ANGPT1: variants seen among roughly 807,000 people sequenced by gnomAD.
ANGPT1 encodes angiopoietin-1.
In ANGPT1, 17 loss-of-function variants were observed where a neutral mutation model predicts 62.2. That is an observed-to-expected ratio of 0.27 (90% CI 0.19 to 0.41). ANGPT1 has a LOEUF of 0.41. ANGPT1 is among the 10% of genes least tolerant of loss of function. The pLI is 1.00. For missense variants in ANGPT1, 478 were observed against 594.9 expected, an observed-to-expected ratio of 0.80 and a Z score of 2.04; for synonymous variants, 199 against 198.9, an observed-to-expected ratio of 1.00 and a Z score of 0.00.
rs1380656751 is a variant in ANGPT1, at chr8:107,264,269, C to A, written c.1288G>T (p.Ala430Ser). The change falls in exon 8 of 9, where the codon GCT becomes TCT. Residue 430 changes from alanine to serine, a missense_variant. Ala to Ser is a moderately conservative substitution (Grantham distance 99). Around this residue, in one of 4 missense-constraint regions of ANGPT1, gnomAD observed 19 missense variants for 72.9 expected, o/e 0.26. Coordinates refer to ENST00000517746, the MANE Select transcript of ANGPT1 (RefSeq NM_001146.5). ...LHGADFSTKD[A>S]DNDNCMCKCA... The stretch of plus-strand genomic sequence containing the variant: ...TTGCACATACAGTTGTCATTATCAG[C>A]ATCTTTAGTGCTGAAATCAGCACCG... 1 of 1,613,988 alleles carries A rather than the reference C, an allele frequency of 6.2e-7. No homozygotes were observed. The highest frequency in any genetic ancestry group is 1.1e-5 in the South Asian group (1 of 91,056).
chr8:107,412,467 A>G (rs1357542772), intron 1 of ANGPT1, among the ~76,000 whole-genome samples: 1 of 150,776 alleles, frequency 6.6e-6, no homozygotes, highest in Non-Finnish European at 1.5e-5. Context: ...ATTCCTCAGG[A>G]AAAAAAAACA....
chr8:107,416,799 CTTTT>C (rs35404455), intron 1 of ANGPT1, among the ~76,000 whole-genome samples: 5 of 130,110 alleles, frequency 3.8e-5, no homozygotes, highest in Admixed American at 7.7e-5. Context: ...GTCAGATAAT[CTTTT>C]TTTTTTTTTT....
chr8:107,370,407 A>T lies in ANGPT1; in HGVS notation c.298-23310T>A, dbSNP rs146163933. ...AAGAAAGAAAGAAAGAAAGAAAGAA[A>T]GAGTCAGGGTCAGTGGCTCAGGCCT... is the stretch of plus-strand genomic sequence containing the variant. On this transcript the variant is annotated intron_variant, in intron 1 of 8. Transcript: ENST00000517746. Among the ~76,000 whole-genome samples, 21 of 71,938 alleles carry T rather than the reference A, an allele frequency of 2.9e-4. 5 individuals carry two copies. Among genetic ancestry groups the T allele is most frequent in the Admixed American group, 6.9e-4 (5 of 7,200 alleles). 47.2% of individuals were successfully genotyped at this position (71,938 alleles called of 152,430 possible). A position where few individuals can be genotyped will look rare whatever the true frequency, so the allele number is the denominator to read the frequency against.
intron 3 of ANGPT1, among the ~76,000 whole-genome samples, chr8:107,332,694 C>T (rs747746111): frequency 3.3e-5 from 5 of 152,204 alleles, no homozygotes; most frequent in Non-Finnish European, 5.9e-5. Flanking sequence ...ACTGACTTGG[C>T]GGCTGAAGCC....
intron 1 of ANGPT1, among the ~76,000 whole-genome samples, chr8:107,408,220 T>A (rs1817189155): frequency 6.6e-6 from 1 of 152,208 alleles, no homozygotes; most frequent in African/African-American, 2.4e-5. Context: ...TCCATTTAAT[T>A]CACTAACTTC....
chr8:107,375,019 G>T (rs1388591562), intron 1 of ANGPT1, among the ~76,000 whole-genome samples: 1 of 152,046 alleles, frequency 6.6e-6, no homozygotes, highest in East Asian at 1.9e-4. Flanking sequence ...AATCAGCTGG[G>T]CGTGGTGGCA....
At chr8:107,338,494 G>A (rs1815623022) in intron 2 of ANGPT1, among the ~76,000 whole-genome samples, 1 of 152,184 alleles carries the variant, frequency 6.6e-6, no homozygotes, top group Non-Finnish European at 1.5e-5. Flanking sequence ...TGGTGAGATG[G>A]AGCATTTATA....
chr8:107,367,234 T>TA (rs2130228827), intron 1 of ANGPT1, among the ~76,000 whole-genome samples: 1 of 152,318 alleles, frequency 6.6e-6, no homozygotes, highest in Admixed American at 6.5e-5. Flanking sequence ...TCTCAGTGCA[T>TA]AAAAAAGTTG....
At chr8:107,342,095 AC>A (rs1372134523) in intron 2 of ANGPT1, among the ~76,000 whole-genome samples, 13 of 152,160 alleles carry the variant, frequency 8.5e-5, no homozygotes, top group African/African-American at 2.7e-4. Context: ...ACCCAAAAAA[AC>A]ATTCACTCAG....
At chr8:107,271,924 AT>A in intron 7 of ANGPT1, among the ~76,000 whole-genome samples, 1 of 139,662 alleles carries the variant, frequency 7.2e-6, no homozygotes, top group Non-Finnish European at 1.6e-5. Context: ...AAAAAAAAAA[AT>A]TCCTGGAAAA....
chr8:107,496,390 C>T (rs578040565), intron 1 of ANGPT1, among the ~76,000 whole-genome samples: 37 of 152,316 alleles, frequency 2.4e-4, no homozygotes, highest in South Asian at 2.1e-3. Context: ...ACTGGATAAA[C>T]TATTCGATTT....
intron 1 of ANGPT1, among the ~76,000 whole-genome samples, chr8:107,349,432 G>T (rs1201578657): frequency 6.6e-6 from 1 of 152,028 alleles, no homozygotes; most frequent in Non-Finnish European, 1.5e-5. Flanking sequence ...GGAGGAAAAC[G>T]TTAAGAGAAT....
intron 7 of ANGPT1, among the ~76,000 whole-genome samples, chr8:107,269,631 G>C (rs952664753): frequency 5.3e-5 from 8 of 151,890 alleles, no homozygotes; most frequent in Non-Finnish European, 7.4e-5. Context: ...TGGCCTGTAT[G>C]AAAGACGATA....
intron 1 of ANGPT1, among the ~76,000 whole-genome samples, chr8:107,386,836 C>T (rs1266357887): frequency 6.6e-6 from 1 of 152,004 alleles, no homozygotes; most frequent in Non-Finnish European, 1.5e-5. Flanking sequence ...TGCAGAGTGC[C>T]TTTCTCTGAC....
intron 2 of ANGPT1, among the ~76,000 whole-genome samples, chr8:107,336,823 T>G (rs969866249): frequency 7.0e-6 from 1 of 143,506 alleles, no homozygotes; most frequent in African/African-American, 2.7e-5. Flanking sequence ...CCCTAGGATA[T>G]TCTCCTGTGC....
At chr8:107,312,881 TAC>T (rs1446661548) in intron 4 of ANGPT1, among the ~76,000 whole-genome samples, 1 of 152,110 alleles carries the variant, frequency 6.6e-6, no homozygotes, top group Admixed American at 6.5e-5. Context: ...CTCGATGGTA[TAC>T]ACCTGCTCCC....
intron 1 of ANGPT1, among the ~76,000 whole-genome samples, chr8:107,426,784 A>C (rs1480876105): frequency 6.6e-6 from 1 of 152,224 alleles, no homozygotes; most frequent in African/African-American, 2.4e-5. Flanking sequence ...ATGGAGCACA[A>C]CAATAACAAA....
chr8:107,489,142 C>A (rs1812891812), intron 1 of ANGPT1, among the ~76,000 whole-genome samples: 1 of 152,122 alleles, frequency 6.6e-6, no homozygotes, highest in African/African-American at 2.4e-5. Context: ...TATCATAAGC[C>A]ATTTCGTTGA....
chr8:107,399,474 C>T (rs918669766), intron 1 of ANGPT1, among the ~76,000 whole-genome samples: 1 of 152,168 alleles, frequency 6.6e-6, no homozygotes, highest in African/African-American at 2.4e-5. Context: ...AAGAGATACA[C>T]ACTTCTCTCC....
Sources: gnomAD v4.1 joint callset for allele counts (sites outside exome capture counted in the v4.1 genomes callset) on GRCh38, gnomAD v4.1.1 for gene constraint, gnomAD v4.1.1 regional missense constraint, MANE v1.5 for transcripts, NCBI Gene and HGNC (gene_info 2026-07-23, HGNC 2026-07-21) for gene names.